ROBO2: variants seen among roughly 807,000 people sequenced by gnomAD.
ROBO2 encodes the protein roundabout homolog 2.
ROBO2 carries 53 observed loss-of-function variants against 160.8 expected under a neutral mutation model. The observed-to-expected ratio is 0.33, with a 90% CI of 0.26 to 0.41. The LOEUF is 0.41. Among genes scored for constraint, ROBO2 ranks in the 10% least tolerant of loss-of-function variants. The pLI is 1.00. For missense variants in ROBO2, 1,577 were observed against 1,722.4 expected, an observed-to-expected ratio of 0.92 and a Z score of 1.49; for synonymous variants, 664 against 611.7, an observed-to-expected ratio of 1.09 and a Z score of -1.26.
chr3:76,774,207 T>C (rs1303020482), intron 2 of ROBO2, among the ~76,000 whole-genome samples: 1 of 150,976 alleles, frequency 6.6e-6, no homozygotes, highest in Non-Finnish European at 1.5e-5. Context: ...ATGAGTCGAC[T>C]GTGTATTTCT....
At chr3:76,190,819 G>A (rs572757521) in intron 2 of ROBO2, among the ~76,000 whole-genome samples, 7 of 152,004 alleles carry the variant, frequency 4.6e-5, no homozygotes, top group Non-Finnish European at 7.4e-5. Context: ...TTTCTATACC[G>A]AATTTCATTC....
chr3:76,107,767 C>T (rs574299895), intron 2 of ROBO2, among the ~76,000 whole-genome samples: 8 of 152,154 alleles, frequency 5.3e-5, no homozygotes, highest in South Asian at 2.1e-4. Context: ...TGGTCACTAA[C>T]GGTTTCTGTT....
At chr3:76,828,961 T>A (rs1385963086) in intron 2 of ROBO2, among the ~76,000 whole-genome samples, 2 of 151,996 alleles carry the variant, frequency 1.3e-5, no homozygotes, top group Admixed American at 6.6e-5. Flanking sequence ...TGCCTTCCGG[T>A]CTACATCCAT....
intron 23 of ROBO2, chr3:77,633,924 G>A (rs182799592): frequency 8.3e-4 from 127 of 152,268 alleles, no homozygotes; most frequent in African/African-American, 3.0e-3. Context: ...CTGCATGTAT[G>A]CTAATAGCTA....
intron 2 of ROBO2, among the ~76,000 whole-genome samples, chr3:76,164,538 G>T (rs2072753522): frequency 6.6e-6 from 1 of 152,156 alleles, no homozygotes; most frequent in Non-Finnish European, 1.5e-5. Context: ...GTTAGCAGGT[G>T]TGAAAACAAC....
Position 77,580,138 on chromosome 3 carries a change from G to T in ROBO2, c.2500+20G>T. The T allele has an allele frequency of 1.2e-6, 2 of 1,612,920 alleles. No individual in the cohort carries two copies. Among genetic ancestry groups the T allele is most frequent in the Non-Finnish European group, 1.7e-6 (2 of 1,179,026 alleles). ...TAATCGGTGAGTATCAAACTATGTGGTCTGTGCTTTAGAATCAGTCAGCTG... is the reference window on the plus strand; with the variant it reads ...TAATCGGTGAGTATCAAACTATGTGTTCTGTGCTTTAGAATCAGTCAGCTG... On this transcript the variant is annotated intron_variant, in intron 16 of 25. Transcript: ENST00000461745.
intron 5 of ROBO2, among the ~76,000 whole-genome samples, chr3:77,501,909 C>T (rs905810729): frequency 7.2e-5 from 11 of 151,874 alleles, no homozygotes; most frequent in African/African-American, 1.7e-4. Context: ...GTTAAAAAGC[C>T]GGTACTGATT....
chr3:77,470,035 G>A (rs1396990577), intron 2 of ROBO2, among the ~76,000 whole-genome samples: 2 of 152,056 alleles, frequency 1.3e-5, no homozygotes, highest in Non-Finnish European at 1.5e-5. Flanking sequence ...GAGAACAAAG[G>A]GACAGCTAGG....
chr3:76,593,168 T>C (rs1031616720), intron 2 of ROBO2, among the ~76,000 whole-genome samples: 1 of 152,082 alleles, frequency 6.6e-6, no homozygotes, highest in Non-Finnish European at 1.5e-5. Flanking sequence ...GTTCCTAACT[T>C]GTTAGAAGAT....
intron 2 of ROBO2, among the ~76,000 whole-genome samples, chr3:76,002,022 G>C (rs1216863575): frequency 6.6e-6 from 1 of 152,242 alleles, no homozygotes; most frequent in East Asian, 1.9e-4. Flanking sequence ...TAAATTATGA[G>C]TGGAAGACAG....
chr3:77,262,661 C>T (rs1182069872), intron 2 of ROBO2, among the ~76,000 whole-genome samples: 2 of 151,956 alleles, frequency 1.3e-5, no homozygotes, highest in East Asian at 3.9e-4. Flanking sequence ...AAAATATATG[C>T]CAAAAAAAGC....
intron 2 of ROBO2, among the ~76,000 whole-genome samples, chr3:76,534,160 C>T (rs748331632): frequency 3.3e-5 from 5 of 151,934 alleles, no homozygotes; most frequent in Admixed American, 6.6e-5. Flanking sequence ...CTGCTTCAAG[C>T]GTAACCAGGG....
intron 2 of ROBO2, among the ~76,000 whole-genome samples, chr3:77,010,178 A>G (rs911329603): frequency 5.9e-5 from 9 of 152,104 alleles, no homozygotes; most frequent in Non-Finnish European, 1.0e-4. Flanking sequence ...AGGATTGCCC[A>G]TTCAAAATTC....
chr3:76,062,912 T>C (rs536366018), intron 2 of ROBO2, among the ~76,000 whole-genome samples: 2 of 152,292 alleles, frequency 1.3e-5, no homozygotes, highest in East Asian at 3.9e-4. Context: ...GGAGTTAATA[T>C]AGGAGAAAAT....
At chr3:76,835,817 G>A (rs1272189263) in intron 2 of ROBO2, among the ~76,000 whole-genome samples, 3 of 151,818 alleles carry the variant, frequency 2.0e-5, no homozygotes, top group Admixed American at 1.3e-4. Flanking sequence ...AATAAATTAC[G>A]TTTCACCTGG....
At chr3:76,601,171 G>A (rs1266966353) in intron 2 of ROBO2, among the ~76,000 whole-genome samples, 1 of 152,186 alleles carries the variant, frequency 6.6e-6, no homozygotes, top group Non-Finnish European at 1.5e-5. Context: ...GGCTTTGCAG[G>A]ATATAGCCCC....
chr3:76,247,341 A>G (rs761773355), intron 2 of ROBO2, among the ~76,000 whole-genome samples: 1 of 152,080 alleles, frequency 6.6e-6, no homozygotes, highest in African/African-American at 2.4e-5. Context: ...AAACCTCCCC[A>G]CATGCATTCT....
intron 2 of ROBO2, among the ~76,000 whole-genome samples, chr3:76,447,367 G>T (rs1339100681): frequency 6.6e-6 from 1 of 151,600 alleles, no homozygotes; most frequent in African/African-American, 2.4e-5. Context: ...CGTTAGAATG[G>T]CGATCATTAA....
At chr3:76,059,997 C>T (rs1192297299) in intron 2 of ROBO2, among the ~76,000 whole-genome samples, 1 of 152,064 alleles carries the variant, frequency 6.6e-6, no homozygotes, top group East Asian at 1.9e-4. Flanking sequence ...CTGTTCTGTT[C>T]CATTGGTCTA....
Sources: gnomAD v4.1 joint callset for allele counts (sites outside exome capture counted in the v4.1 genomes callset) on GRCh38, gnomAD v4.1.1 for gene constraint, MANE v1.5 for transcripts, NCBI Gene and HGNC (gene_info 2026-07-23, HGNC 2026-07-21) for gene names.